Variants in TMEM132D observed in about 807,000 individuals in gnomAD.
TMEM132D encodes the protein transmembrane protein 132D.
In TMEM132D, 21 loss-of-function variants were observed where a neutral mutation model predicts 62.3. The ratio of observed to expected loss-of-function variants is 0.34; its 90% CI spans 0.24 to 0.49. The LOEUF (loss-of-function observed/expected upper bound fraction) is 0.49. Ranked by LOEUF, TMEM132D falls within the 20% of genes least tolerant of loss-of-function variation. The pLI is 0.99. For synonymous variants in TMEM132D, 621 were observed against 575.6 expected, an observed-to-expected ratio of 1.08 and a Z score of -1.13; for missense variants, 1,346 against 1,402.8, an observed-to-expected ratio of 0.96 and a Z score of 0.65.
At chr12:129,362,068 C>T (rs552121243) in intron 3 of TMEM132D, among the ~76,000 whole-genome samples, 1 of 152,262 alleles carries the variant, frequency 6.6e-6, no homozygotes, top group Admixed American at 6.5e-5. Flanking sequence ...TAGTCTTTAC[C>T]TAGGAATAAA....
intron 2 of TMEM132D, among the ~76,000 whole-genome samples, chr12:129,630,545 G>A (rs958885717): frequency 4.6e-5 from 7 of 152,108 alleles, no homozygotes; most frequent in Admixed American, 2.0e-4. Context: ...AAAACACTGA[G>A]AGCTAGCAAA....
intron 1 of TMEM132D, among the ~76,000 whole-genome samples, chr12:129,847,280 T>C (rs1399842704): frequency 6.6e-6 from 1 of 152,212 alleles, no homozygotes; most frequent in Non-Finnish European, 1.5e-5. Context: ...AACGTTATTA[T>C]GAGTTGTTGC....
intron 5 of TMEM132D, among the ~76,000 whole-genome samples, chr12:129,168,948 C>T (rs769955727): frequency 1.4e-4 from 22 of 152,184 alleles, no homozygotes; most frequent in Non-Finnish European, 2.8e-4. Context: ...AGTTAGCTAG[C>T]GGCCGATAGA....
At chr12:129,240,009 C>T (rs1593307852) in intron 4 of TMEM132D, among the ~76,000 whole-genome samples, 1 of 152,164 alleles carries the variant, frequency 6.6e-6, no homozygotes, top group Admixed American at 6.5e-5. Flanking sequence ...AAATGGCTGT[C>T]AGTTTTGCAA....
intron 2 of TMEM132D, among the ~76,000 whole-genome samples, chr12:129,576,404 A>T (rs146822590): frequency 0.014 from 2,169 of 151,916 alleles, 33 homozygotes; most frequent in Admixed American, 0.025. Context: ...GAACAACAGA[A>T]TATATATATG....
intron 2 of TMEM132D, among the ~76,000 whole-genome samples, chr12:129,613,172 C>A (rs990355860): frequency 5.9e-5 from 9 of 152,108 alleles, no homozygotes; most frequent in Non-Finnish European, 1.3e-4. Flanking sequence ...AAACAGCTCA[C>A]CCCGTCACTT....
intron 5 of TMEM132D, chr12:129,109,881 GT>G (rs1875631318): frequency 1.3e-5 from 2 of 153,110 alleles, no homozygotes; most frequent in South Asian, 4.1e-4. Context: ...ATGCGGCAGC[GT>G]TGGGTGGCAG....
chr12:129,073,191 C>A lies in TMEM132D; in HGVS notation c.*684G>T, dbSNP rs1874128907. 6.6e-6 allele frequency: 1 copy of A among 152,248 alleles called. No homozygotes were observed. Among genetic ancestry groups the A allele is most frequent in the East Asian group, 1.9e-4 (1 of 5,198 alleles). 9.4% of individuals were successfully genotyped at this position (152,248 alleles called of 1,614,324 possible). A position where few individuals can be genotyped will look rare whatever the true frequency, so the allele number is the denominator to read the frequency against. On this transcript the variant is annotated 3_prime_UTR_variant, in exon 9 of 9. Transcript: ENST00000422113. ...AAATAAAGAAGTACCCTGAAGGGCT[C>A]AGAGGATTTGCGTCCATGTGTTTGT...
intron 1 of TMEM132D, among the ~76,000 whole-genome samples, chr12:129,770,139 G>GTT (rs1870688456): frequency 3.0e-4 from 12 of 40,104 alleles, no homozygotes; most frequent in South Asian, 9.1e-4. Context: ...GGGTTTTTTT[G>GTT]GTTGTTTTTT....
intron 3 of TMEM132D, among the ~76,000 whole-genome samples, chr12:129,342,546 A>G (rs1383860652): frequency 6.6e-6 from 1 of 152,218 alleles, no homozygotes; most frequent in East Asian, 1.9e-4. Flanking sequence ...CACCAAAAGC[A>G]ATGGCAACAG....
At chr12:129,359,274 A>G (rs970903608) in intron 3 of TMEM132D, among the ~76,000 whole-genome samples, 1 of 152,190 alleles carries the variant, frequency 6.6e-6, no homozygotes, top group African/African-American at 2.4e-5. Flanking sequence ...GGGGGACAAT[A>G]GAGTTATTGC....
At chr12:129,806,246 A>G (rs1871975980) in intron 1 of TMEM132D, among the ~76,000 whole-genome samples, 1 of 73,996 alleles carries the variant, frequency 1.4e-5, no homozygotes, top group South Asian at 5.6e-4. Context: ...ATGCACATGT[A>G]TATTTATTGT....
rs146944130 is a variant in TMEM132D, at chr12:129,693,327, G to C, written c.968+6483C>G. ...CCCAAAGTATAAAATAAATATCCAG[G>C]TGTTCTCACTGAAATAAGTACATTA... is the stretch of plus-strand genomic sequence containing the variant. On this transcript the variant is annotated intron_variant, in intron 2 of 8. Transcript: ENST00000422113. Among the ~76,000 whole-genome samples, 373 of 152,226 alleles carry C rather than the reference G, an allele frequency of 2.5e-3. 3 individuals are homozygous for C. The highest frequency in any genetic ancestry group is 8.7e-3 in the African/African-American group (360 of 41,524).
intron 2 of TMEM132D, among the ~76,000 whole-genome samples, chr12:129,605,824 G>A (rs1878610780): frequency 6.6e-6 from 1 of 151,880 alleles, no homozygotes; most frequent in Non-Finnish European, 1.5e-5. Flanking sequence ...GTTAACAGCA[G>A]CTATATTGCA....
intron 3 of TMEM132D, among the ~76,000 whole-genome samples, chr12:129,456,457 C>G (rs1260404037): frequency 6.6e-6 from 1 of 152,140 alleles, no homozygotes; most frequent in African/African-American, 2.4e-5. Context: ...TTGACCAACC[C>G]AAATATCTTC....
intron 4 of TMEM132D, among the ~76,000 whole-genome samples, chr12:129,269,181 C>T (rs1158705752): frequency 1.3e-5 from 2 of 152,056 alleles, no homozygotes; most frequent in Non-Finnish European, 1.5e-5. Flanking sequence ...AATTTCTTCC[C>T]TCTTTTTTTT....
chr12:129,874,593 A>T (rs1243688998), intron 1 of TMEM132D, among the ~76,000 whole-genome samples: 1 of 48,872 alleles, frequency 2.0e-5, no homozygotes, highest in Non-Finnish European at 4.9e-5. Context: ...AAGCTAGGTT[A>T]AAAAAAAAAA....
chr12:129,653,153 G>A (rs1221796560), intron 2 of TMEM132D, among the ~76,000 whole-genome samples: 1 of 152,170 alleles, frequency 6.6e-6, no homozygotes, highest in East Asian at 1.9e-4. Context: ...GTCATGAGGT[G>A]CAGAGTCCTA....
intron 5 of TMEM132D, among the ~76,000 whole-genome samples, chr12:129,146,788 G>A (rs981061519): frequency 2.0e-5 from 3 of 152,140 alleles, no homozygotes; most frequent in Non-Finnish European, 4.4e-5. Context: ...TTACGGTGAC[G>A]AGCATTTGCT....
Sources: allele counts gnomAD v4.1 joint callset (sites outside exome capture counted in the v4.1 genomes callset), GRCh38; gene constraint gnomAD v4.1.1; transcripts MANE v1.5; gene names NCBI Gene and HGNC (gene_info 2026-07-23, HGNC 2026-07-21).